Variants in PKNOX1 observed in about 807,000 individuals in gnomAD.
The protein encoded by PKNOX1 is homeobox protein PKNOX1.
In PKNOX1, 15 loss-of-function variants were observed where a neutral mutation model predicts 51.9. The observed-to-expected ratio is 0.29, with a 90% CI of 0.19 to 0.45. The LOEUF is 0.45. Among genes scored for constraint, PKNOX1 ranks in the 20% least tolerant of loss-of-function variants. The pLI is 1.00. For synonymous variants in PKNOX1, 219 were observed against 211.1 expected, an observed-to-expected ratio of 1.04 and a Z score of -0.32; for missense variants, 462 against 547.5, an observed-to-expected ratio of 0.84 and a Z score of 1.56.
chr21:42,997,767 C>T (rs771919157), intron 1 of PKNOX1, among the ~76,000 whole-genome samples: 11 of 152,176 alleles, frequency 7.2e-5, no homozygotes, highest in African/African-American at 9.7e-5. Flanking sequence ...TGCATGTTCT[C>T]CACCTAGCCA....
At chr21:43,015,765 T>C (rs2146279183) in intron 5 of PKNOX1, among the ~76,000 whole-genome samples, 1 of 152,270 alleles carries the variant, frequency 6.6e-6, no homozygotes, top group South Asian at 2.1e-4. Flanking sequence ...GTTAGCAGGG[T>C]CTATAGTGAT....
intron 1 of PKNOX1, among the ~76,000 whole-genome samples, chr21:42,979,269 C>T (rs1374689962): frequency 6.6e-6 from 1 of 152,108 alleles, no homozygotes; most frequent in Admixed American, 6.6e-5. Flanking sequence ...ATAATAATGA[C>T]AAAGTTTGAA....
At chr21:43,026,319 GA>G (rs1979981281) in intron 9 of PKNOX1, among the ~76,000 whole-genome samples, 1 of 152,054 alleles carries the variant, frequency 6.6e-6, no homozygotes, top group Non-Finnish European at 1.5e-5. Flanking sequence ...CCAAATTTCT[GA>G]AATCTTTAAT....
chr21:43,014,396 A>C (rs368126478), intron 5 of PKNOX1, among the ~76,000 whole-genome samples: 2 of 151,910 alleles, frequency 1.3e-5, no homozygotes, highest in East Asian at 1.9e-4. Flanking sequence ...TGTAGATACT[A>C]GTTCTCTGTT....
At chr21:42,986,122 T>C (rs1419421515) in intron 1 of PKNOX1, among the ~76,000 whole-genome samples, 1 of 152,212 alleles carries the variant, frequency 6.6e-6, no homozygotes, top group Non-Finnish European at 1.5e-5. Context: ...AGAAATACTT[T>C]TTGATACAGA....
intron 1 of PKNOX1, among the ~76,000 whole-genome samples, chr21:42,996,996 T>C (rs1035755328): frequency 2.6e-5 from 4 of 152,042 alleles, no homozygotes; most frequent in East Asian, 1.9e-4. Context: ...TTTTCTTGCC[T>C]CAGCCTCCCA....
At chr21:43,022,658 C>T (rs750717233) in intron 8 of PKNOX1, among the ~76,000 whole-genome samples, 56 of 152,070 alleles carry the variant, frequency 3.7e-4, no homozygotes, top group Non-Finnish European at 6.9e-4. Flanking sequence ...CGGGGCTGCT[C>T]CGAGAAATTG....
At chr21:43,009,036 C>CG (rs1568897761) in intron 3 of PKNOX1, among the ~76,000 whole-genome samples, 1 of 152,146 alleles carries the variant, frequency 6.6e-6, no homozygotes, top group African/African-American at 2.4e-5. Flanking sequence ...AATGAAGTGG[C>CG]GGGCGCGGTG....
intron 1 of PKNOX1, among the ~76,000 whole-genome samples, chr21:42,980,517 T>C (rs2059020820): frequency 1.3e-5 from 2 of 152,218 alleles, no homozygotes; most frequent in South Asian, 4.1e-4. Flanking sequence ...AGCCTGAAAC[T>C]GCTAAAGTGA....
intron 3 of PKNOX1, 21 bp from the exon 4 acceptor site, chr21:43,010,032 T>G: frequency 1.3e-6 from 2 of 1,488,120 alleles, no homozygotes; most frequent in Non-Finnish European, 1.8e-6. Flanking sequence ...AAATGGATTC[T>G]TTTTTTTCTT....
chr21:42,977,994 A>C (rs1230950051), intron 1 of PKNOX1, among the ~76,000 whole-genome samples: 1 of 152,008 alleles, frequency 6.6e-6, no homozygotes, highest in Non-Finnish European at 1.5e-5. Context: ...CATATCACCA[A>C]TAAGGCTGTT....
rs1187603031 is a variant in PKNOX1, at chr21:43,021,577, G to A, written c.849+146G>A. The A allele has an allele frequency of 2.1e-6, 2 of 971,274 alleles. No homozygotes were observed. Among genetic ancestry groups the A allele is most frequent in the Non-Finnish European group, 3.0e-6 (2 of 676,432 alleles). 60.2% of individuals were successfully genotyped at this position (971,274 alleles called of 1,614,324 possible). On this transcript the variant is annotated intron_variant, in intron 8 of 10. Coordinates refer to ENST00000291547, the MANE Select transcript of PKNOX1 (RefSeq NM_004571.5). The surrounding 1 kb of genome is among the most constrained non-coding windows in gnomAD (Gnocchi z 4.6). ...ACTTTGTGGCATGTCCATAATGTGG[G>A]GAGCGTGGGGCACTGCTGCAGGGAA...
intron 1 of PKNOX1, among the ~76,000 whole-genome samples, chr21:42,986,080 G>T (rs1204175353): frequency 3.3e-5 from 5 of 151,170 alleles, no homozygotes; most frequent in Non-Finnish European, 7.4e-5. Context: ...ATTTTGTTTT[G>T]TCTTTAGGGG....
At chr21:42,998,248 T>G (rs1231803386) in intron 1 of PKNOX1, among the ~76,000 whole-genome samples, 1 of 152,092 alleles carries the variant, frequency 6.6e-6, no homozygotes, top group African/African-American at 2.4e-5. Flanking sequence ...TTTAAAACCA[T>G]CAGATCTTGT....
In PKNOX1 at chr21:43,028,862, A is replaced by G. The variant is rs775563001; in HGVS notation, c.1087A>G (p.Thr363Ala). The G allele has an allele frequency of 3.1e-6, 5 of 1,614,134 alleles. No homozygotes were observed. The highest frequency in any genetic ancestry group is 4.2e-6 in the Non-Finnish European group (5 of 1,179,988). The change falls in exon 10 of 11, where the codon ACC (threonine) becomes GCC (alanine). Residue 363 changes from threonine to alanine, a missense_variant. By Grantham distance (58) the Thr-to-Ala change is moderately conservative. This residue lies in a region of PKNOX1 where 118 missense variants were observed against 116.8 expected (regional missense o/e 1.01). Coordinates refer to ENST00000291547, the MANE Select transcript of PKNOX1 (RefSeq NM_004571.5). ...GVAQPPPSEL[T>A]MSEGAVVTIT... The stretch of plus-strand genomic sequence containing the variant: ...CGCACAGCCACCGCCGAGCGAGCTC[A>G]CCATGTCGGAAGGTACAGGTGGCCG...
chr21:43,012,486 G>C (rs1487178363), intron 4 of PKNOX1, among the ~76,000 whole-genome samples: 2 of 152,220 alleles, frequency 1.3e-5, no homozygotes, highest in African/African-American at 4.8e-5. Context: ...CTTGAACCCA[G>C]AAGGCAGAGG....
intron 1 of PKNOX1, among the ~76,000 whole-genome samples, chr21:43,001,293 A>G (rs919169589): frequency 6.6e-6 from 1 of 152,354 alleles, no homozygotes; most frequent in Admixed American, 6.5e-5. Context: ...AGTGGCTCCC[A>G]TGCCGTGTTG....
chr21:42,982,483 A>T lies in PKNOX1; in HGVS notation c.-57+7819A>T, dbSNP rs187936591. Among the ~76,000 whole-genome samples the T allele has an allele frequency of 1.7e-4, 26 of 152,164 alleles. No homozygotes were observed. In the East Asian group the frequency reaches 4.3e-3, roughly 25 times the overall value. ...AGTGGTTCACGCCTGTAATCCCAGC[A>T]CTTTGGGAGGCCAAGGTGGGTGGAT... On this transcript the variant is annotated intron_variant, in intron 1 of 10. Coordinates refer to ENST00000291547, the MANE Select transcript of PKNOX1 (RefSeq NM_004571.5).
chr21:42,981,494 A>G (rs985434334), intron 1 of PKNOX1, among the ~76,000 whole-genome samples: 1 of 152,260 alleles, frequency 6.6e-6, no homozygotes, highest in African/African-American at 2.4e-5. Context: ...TTCTGAGGCC[A>G]TGCCTCAGGG....
Sources: gnomAD v4.1 joint callset for allele counts (sites outside exome capture counted in the v4.1 genomes callset) on GRCh38, gnomAD v4.1.1 for gene constraint, gnomAD v4.1.1 regional missense constraint, Gnocchi (gnomAD v3.1) non-coding constraint, MANE v1.5 for transcripts, NCBI Gene and HGNC (gene_info 2026-07-23, HGNC 2026-07-21) for gene names.